Variants in KAZN observed in about 807,000 individuals in gnomAD.
The protein encoded by KAZN is kazrin, periplakin interacting protein.
KAZN carries 40 observed loss-of-function variants against 87.4 expected under a neutral mutation model. The observed-to-expected ratio is 0.46, with a 90% CI of 0.36 to 0.60. The LOEUF (loss-of-function observed/expected upper bound fraction) is 0.60, where lower values mean the gene tolerates loss of function less well. Among genes scored for constraint, KAZN ranks in the 20% least tolerant of loss-of-function variants. KAZN has a pLI of 0.00. For synonymous variants in KAZN, 466 were observed against 458.3 expected (o/e 1.02, Z -0.22); for missense variants, 898 against 1,073.9 (o/e 0.84, Z 2.29).
chr1:14,262,067 T>A (rs1354945456), intron 2 of KAZN, among the ~76,000 whole-genome samples: 3 of 152,202 alleles, frequency 2.0e-5, no homozygotes, highest in Non-Finnish European at 1.5e-5. Flanking sequence ...AAACCAATGA[T>A]GCAAATTTTT....
chr1:14,022,099 G>T (rs183831465), intron 1 of KAZN, among the ~76,000 whole-genome samples: 3 of 151,974 alleles, frequency 2.0e-5, no homozygotes, highest in African/African-American at 7.2e-5. Flanking sequence ...TTCATATCTT[G>T]TTGAGTGGTG....
intron 1 of KAZN, among the ~76,000 whole-genome samples, chr1:14,145,577 A>G (rs1157885358): frequency 6.6e-6 from 1 of 152,028 alleles, no homozygotes; most frequent in Non-Finnish European, 1.5e-5. Flanking sequence ...GCTTTATAAG[A>G]CAGTATACCT....
intron 1 of KAZN, among the ~76,000 whole-genome samples, chr1:14,836,876 C>G (rs962287735): frequency 6.6e-6 from 1 of 152,168 alleles, no homozygotes; most frequent in Non-Finnish European, 1.5e-5. Context: ...TTAGACCCAT[C>G]ATCTCCCCAA....
intron 1 of KAZN, among the ~76,000 whole-genome samples, chr1:14,936,785 C>G (rs558397800): frequency 3.3e-4 from 51 of 152,248 alleles, no homozygotes; most frequent in Middle Eastern, 3.4e-3. Flanking sequence ...GAAAGATACC[C>G]TCCCTCACCC....
chr1:14,989,505 C>T (rs1224498637), intron 2 of KAZN, among the ~76,000 whole-genome samples: 1 of 152,140 alleles, frequency 6.6e-6, no homozygotes, highest in Admixed American at 6.6e-5. Context: ...AGGACTGTCA[C>T]TTGTCTTCAT....
At chr1:14,074,945 G>A (rs562455977) in intron 1 of KAZN, among the ~76,000 whole-genome samples, 14 of 152,136 alleles carry the variant, frequency 9.2e-5, no homozygotes, top group Middle Eastern at 3.4e-3. Flanking sequence ...GCTTTCATTC[G>A]TGTCAACTCA....
At chr1:14,606,920 C>T (rs970060661) in intron 1 of KAZN, among the ~76,000 whole-genome samples, 1 of 152,150 alleles carries the variant, frequency 6.6e-6, no homozygotes, top group Non-Finnish European at 1.5e-5. Context: ...TCCCTGGTTG[C>T]GAACTGCTTT....
chr1:14,801,927 G>A (rs192251075), intron 1 of KAZN, among the ~76,000 whole-genome samples: 4 of 151,966 alleles, frequency 2.6e-5, no homozygotes, highest in East Asian at 2.0e-4. Context: ...CTCGTAATCC[G>A]CCCGCCTTGG....
At chr1:13,983,956 T>G (rs1638882924) in intron 1 of KAZN, among the ~76,000 whole-genome samples, 1 of 152,216 alleles carries the variant, frequency 6.6e-6, no homozygotes. Context: ...TCAACAGATG[T>G]TGAAAATAAT....
chr1:14,940,128 G>A (rs1337635514), intron 1 of KAZN, among the ~76,000 whole-genome samples: 3 of 152,222 alleles, frequency 2.0e-5, no homozygotes, highest in Admixed American at 6.5e-5. Flanking sequence ...GTAAGAGTGG[G>A]CGGGGTACTT....
At chr1:14,336,351 T>A (rs1657270902) in intron 2 of KAZN, among the ~76,000 whole-genome samples, 1 of 152,216 alleles carries the variant, frequency 6.6e-6, no homozygotes, top group Non-Finnish European at 1.5e-5. Flanking sequence ...TATCACTGAG[T>A]GTTTCTCCAT....
At chr1:14,527,128 G>T (rs748116496) in intron 2 of KAZN, among the ~76,000 whole-genome samples, 1 of 152,098 alleles carries the variant, frequency 6.6e-6, no homozygotes, top group Non-Finnish European at 1.5e-5. Context: ...TCATCTGGGT[G>T]GTCCTCACTT....
intron 1 of KAZN, among the ~76,000 whole-genome samples, chr1:14,138,059 T>A (rs898086410): frequency 6.6e-6 from 1 of 150,802 alleles, no homozygotes; most frequent in Non-Finnish European, 1.5e-5. Context: ...TAGTGTAAAA[T>A]GTTAGCATTA....
intron 6 of KAZN, chr1:15,062,789 C>T (rs1428445885): frequency 6.6e-6 from 1 of 152,172 alleles, no homozygotes; most frequent in Non-Finnish European, 1.5e-5. Flanking sequence ...TAAGGGTTCC[C>T]TCCACACCCA....
At chr1:15,017,091 A>T (rs1051298288) in intron 2 of KAZN, among the ~76,000 whole-genome samples, 1 of 151,936 alleles carries the variant, frequency 6.6e-6, no homozygotes, top group African/African-American at 2.4e-5. Flanking sequence ...TGAGGTCAGG[A>T]GTTCAAGACC....
intron 2 of KAZN, among the ~76,000 whole-genome samples, chr1:14,333,864 GGCCACAGAAATGTGGCT>G (rs1055232573): frequency 6.6e-6 from 1 of 152,126 alleles, no homozygotes; most frequent in African/African-American, 2.4e-5. Context: ...AGTGGTCAAA[GGCCACAGAAATGTGGCT>G]GCCCCTGGAC....
intron 2 of KAZN, among the ~76,000 whole-genome samples, chr1:14,580,416 G>A (rs569795516): frequency 1.7e-4 from 26 of 152,048 alleles, no homozygotes; most frequent in South Asian, 8.3e-4. Context: ...AGGAAGTTGC[G>A]GTGAGCCGAG....
At chr1:14,539,280 T>C (rs150665455) in intron 2 of KAZN, among the ~76,000 whole-genome samples, 14 of 152,342 alleles carry the variant, frequency 9.2e-5, no homozygotes, top group Middle Eastern at 3.4e-3. Context: ...CCAGTCGTTA[T>C]TGACAAAGAT....
chr1:14,581,440 A>G (rs574783145), intron 2 of KAZN, among the ~76,000 whole-genome samples: 1 of 152,076 alleles, frequency 6.6e-6, no homozygotes, highest in South Asian at 2.1e-4. Context: ...ACCACCTTTT[A>G]AACCACCGTG....
Sources: allele counts gnomAD v4.1 joint callset (sites outside exome capture counted in the v4.1 genomes callset), GRCh38; gene constraint gnomAD v4.1.1; transcripts MANE v1.5; gene names NCBI Gene and HGNC (gene_info 2026-07-23, HGNC 2026-07-21).